Variants in CWC27 observed in about 807,000 individuals in gnomAD.
CWC27 encodes CWC27 spliceosome associated cyclophilin.
A neutral mutation model predicts 63.6 loss-of-function variants in CWC27; 47 were observed. The observed-to-expected ratio is 0.74, with a 90% CI of 0.58 to 0.94. The LOEUF is 0.94. Ranked by LOEUF, CWC27 falls within the 40% of genes least tolerant of loss-of-function variation. The pLI is 0.00. For missense variants in CWC27, 495 were observed against 554.3 expected, an observed-to-expected ratio of 0.89 and a Z score of 1.07; for synonymous variants, 175 against 179.8, an observed-to-expected ratio of 0.97 and a Z score of 0.22.
chr5:64,897,868 A>T (rs1327716295), intron 11 of CWC27, among the ~76,000 whole-genome samples: 1 of 152,214 alleles, frequency 6.6e-6, no homozygotes, highest in Non-Finnish European at 1.5e-5. Flanking sequence ...ACTTGCATAG[A>T]CCTAATAACA....
chr5:64,965,988 TAA>T (rs1050682050), intron 11 of CWC27, among the ~76,000 whole-genome samples: 1 of 152,152 alleles, frequency 6.6e-6, no homozygotes, highest in African/African-American at 2.4e-5. Flanking sequence ...CTAGAAAATA[TAA>T]AAAGAGTGTT....
At chr5:64,912,442 C>A (rs1313662292) in intron 11 of CWC27, among the ~76,000 whole-genome samples, 1 of 151,916 alleles carries the variant, frequency 6.6e-6, no homozygotes, top group Admixed American at 6.6e-5. Context: ...ACAAGGTGTT[C>A]AAAGGCAAGA....
chr5:65,004,112 C>T (rs970185713), intron 13 of CWC27, among the ~76,000 whole-genome samples: 40 of 151,982 alleles, frequency 2.6e-4, no homozygotes, highest in African/African-American at 8.9e-4. Flanking sequence ...CCCAAAGTGC[C>T]GGGATTTCAG....
chr5:64,864,600 T>C (rs1746491093), intron 10 of CWC27, among the ~76,000 whole-genome samples: 2 of 152,178 alleles, frequency 1.3e-5, no homozygotes, highest in Non-Finnish European at 2.9e-5. Flanking sequence ...CATATGTTAA[T>C]ATGTTTTATG....
rs760390421 is a variant in CWC27 at position 64,807,822 on chromosome 5, A to G, written c.938+3436A>G. ...TATGAAATGAGAGTAAATTTCTTCA[A>G]CCCGTATTTCTTTCTCTTCCCCGCT... On this transcript the variant is annotated intron_variant, in intron 10 of 13. Transcript: ENST00000381070. The G allele has an allele frequency of 1.3e-5, 20 of 1,533,052 alleles. 1 individual carries two copies. The South Asian group carries it at 2.0e-4, about 16-fold the overall frequency. The allele number at this position is 1,533,052 out of a possible 1,614,324, so 95.0% of individuals were successfully genotyped here.
chr5:64,848,842 A>G (rs1170671462), intron 10 of CWC27, among the ~76,000 whole-genome samples: 1 of 152,196 alleles, frequency 6.6e-6, no homozygotes, highest in Non-Finnish European at 1.5e-5. Flanking sequence ...GCCTCAACAC[A>G]ATAAAAACCA....
intron 10 of CWC27, among the ~76,000 whole-genome samples, chr5:64,882,605 T>C (rs1315981066): frequency 6.6e-6 from 1 of 152,222 alleles, no homozygotes; most frequent in Non-Finnish European, 1.5e-5. Context: ...GTTGTTGTTG[T>C]TGTTTTGAGA....
Position 64,923,418 on chromosome 5 carries a change from C to T in CWC27, c.1042+37872C>T, listed in dbSNP as rs6879261. Among the ~76,000 whole-genome samples, 1,392 of 151,066 alleles carry T rather than the reference C, an allele frequency of 9.2e-3. 17 individuals carry two copies. Among genetic ancestry groups the T allele is most frequent in the African/African-American group, 0.033 (1,337 of 40,764 alleles). On this transcript the variant is annotated intron_variant, in intron 11 of 13. Coordinates refer to ENST00000381070, the MANE Select transcript of CWC27 (RefSeq NM_005869.4). ...TCACAGCCACCCCTTCCTTAGGAGC[C>T]ATTAAGGGCTTGAGATGCATCTCAG...
At chr5:64,970,853 G>C (rs979152634) in intron 11 of CWC27, among the ~76,000 whole-genome samples, 11 of 151,994 alleles carry the variant, frequency 7.2e-5, no homozygotes, top group Non-Finnish European at 1.6e-4. Context: ...ATAACAAAGA[G>C]ACAACTAACA....
At chr5:64,777,642 G>A (rs558129636) in intron 2 of CWC27, among the ~76,000 whole-genome samples, 2 of 152,128 alleles carry the variant, frequency 1.3e-5, no homozygotes, top group South Asian at 4.1e-4. Flanking sequence ...GATACATTTA[G>A]GTATCTTTTT....
chr5:65,011,302 T>C (rs1310864228), intron 13 of CWC27, among the ~76,000 whole-genome samples: 3 of 152,138 alleles, frequency 2.0e-5, no homozygotes, highest in African/African-American at 7.2e-5. Context: ...TACACTGTAG[T>C]ATGAGGAAGA....
chr5:64,981,957 T>C (rs1749337270), intron 13 of CWC27, among the ~76,000 whole-genome samples: 1 of 152,220 alleles, frequency 6.6e-6, no homozygotes, highest in African/African-American at 2.4e-5. Flanking sequence ...TATTGCACTT[T>C]GGCTAATGTT....
intron 10 of CWC27, among the ~76,000 whole-genome samples, chr5:64,857,541 T>G (rs1746284459): frequency 6.6e-6 from 1 of 152,176 alleles, no homozygotes; most frequent in Non-Finnish European, 1.5e-5. Context: ...ATACTCAATA[T>G]ATTTGTATAA....
intron 10 of CWC27, among the ~76,000 whole-genome samples, chr5:64,883,863 G>A (rs974771207): frequency 6.6e-6 from 1 of 152,188 alleles, no homozygotes; most frequent in Non-Finnish European, 1.5e-5. Flanking sequence ...AAAAGGATCA[G>A]TGAGGTGGGA....
chr5:64,905,823 C>T (rs1747624500), intron 11 of CWC27, among the ~76,000 whole-genome samples: 1 of 152,086 alleles, frequency 6.6e-6, no homozygotes, highest in African/African-American at 2.4e-5. Context: ...TGCTGTGCCT[C>T]CCCCTGTCTC....
At chr5:64,789,831 T>C (rs993598678) in intron 7 of CWC27, among the ~76,000 whole-genome samples, 4 of 152,172 alleles carry the variant, frequency 2.6e-5, no homozygotes, top group Non-Finnish European at 5.9e-5. Flanking sequence ...AAGGATTAGG[T>C]TTATAGTCTT....
intron 11 of CWC27, among the ~76,000 whole-genome samples, chr5:64,960,397 TGTTA>T (rs1200724995): frequency 6.6e-6 from 1 of 152,198 alleles, no homozygotes; most frequent in East Asian, 1.9e-4. Context: ...CTGACAGAAT[TGTTA>T]GTTAGAAGAT....
chr5:65,011,369 G>A (rs929968956), intron 13 of CWC27, among the ~76,000 whole-genome samples: 1 of 152,200 alleles, frequency 6.6e-6, no homozygotes, highest in African/African-American at 2.4e-5. Flanking sequence ...TCTTAACCCT[G>A]GGGGAGAAAC....
intron 11 of CWC27, among the ~76,000 whole-genome samples, chr5:64,940,463 A>G (rs935418452): frequency 6.6e-5 from 10 of 152,072 alleles, no homozygotes; most frequent in African/African-American, 2.2e-4. Flanking sequence ...ACCAGTCCCA[A>G]TGAGATGAAC....
Sources: allele counts gnomAD v4.1 joint callset (sites outside exome capture counted in the v4.1 genomes callset), GRCh38; gene constraint gnomAD v4.1.1; transcripts MANE v1.5; gene names NCBI Gene and HGNC (gene_info 2026-07-23, HGNC 2026-07-21).